Variants in LMX1B observed in about 807,000 individuals in gnomAD.
The protein encoded by LMX1B is LIM homeobox transcription factor 1 beta.
Under a neutral mutation model 51.4 loss-of-function variants are expected in LMX1B, and 12 were observed. That is an observed-to-expected ratio of 0.23 (90% confidence interval 0.15 to 0.38). The LOEUF is 0.38. Among genes scored for constraint, LMX1B ranks in the 10% least tolerant of loss-of-function variants. LMX1B has a pLI of 1.00. For missense variants in LMX1B, 445 were observed against 571.1 expected, an observed-to-expected ratio of 0.78 and a Z score of 2.25; for synonymous variants, 237 against 235.4, an observed-to-expected ratio of 1.01 and a Z score of -0.06.
intron 2 of LMX1B, among the ~76,000 whole-genome samples, chr9:126,674,136 G>A (rs192873693): frequency 5.5e-4 from 83 of 152,204 alleles, no homozygotes; most frequent in Middle Eastern, 3.4e-3. Flanking sequence ...GGGACAGAGT[G>A]AGGAGGGCTC....
chr9:126,689,339 C>T (rs1320794346), intron 2 of LMX1B, among the ~76,000 whole-genome samples: 1 of 152,228 alleles, frequency 6.6e-6, no homozygotes, highest in Non-Finnish European at 1.5e-5. Context: ...GCGAGTGCCT[C>T]CCATTTATGG....
chr9:126,616,345 G>C (rs1835302871), intron 2 of LMX1B, among the ~76,000 whole-genome samples: 1 of 152,222 alleles, frequency 6.6e-6, no homozygotes, highest in Admixed American at 6.5e-5. Flanking sequence ...GCTGAGGCCA[G>C]AGATGTGGGT....
chr9:126,647,500 T>C (rs560498282), intron 2 of LMX1B, among the ~76,000 whole-genome samples: 62 of 152,326 alleles, frequency 4.1e-4, no homozygotes, highest in African/African-American at 1.5e-3. Context: ...ACCGGCATAG[T>C]GTTCATTTAA....
At position 126,685,328 on chromosome 9, in the gene LMX1B, C is replaced by T. The variant is rs143039194; in HGVS notation, c.327-5508C>T. Reference sequence around the variant, plus strand: ...GCCTGGCCGAGAGAGCTGGGTGTCACGGGGTGGGTGGGGCCTTGAGTGCCA... The same window carrying T: ...GCCTGGCCGAGAGAGCTGGGTGTCATGGGGTGGGTGGGGCCTTGAGTGCCA... On this transcript the variant is annotated intron_variant, in intron 2 of 7. Coordinates refer to ENST00000373474, the MANE Select transcript of LMX1B (RefSeq NM_001174147.2). 4.7e-3 allele frequency among the ~76,000 whole-genome samples: 718 copies of T among 151,772 alleles called. 5 individuals carry two copies. Among genetic ancestry groups the T allele is most frequent in the African/African-American group, 0.017 (684 of 41,436 alleles).
intron 2 of LMX1B, among the ~76,000 whole-genome samples, chr9:126,687,891 G>T (rs572405833): frequency 1.3e-4 from 20 of 152,268 alleles, no homozygotes; most frequent in Middle Eastern, 3.4e-3. Context: ...GGGAATGGGG[G>T]CTCACAGAGA....
chr9:126,615,598 C>T lies in LMX1B; in HGVS notation c.326+29C>T, dbSNP rs1212448011. ...AGCGCTTCTCGTCCTCCTTCCCCGC[C>T]ACCGCCCGGCACTCGAGCCCGGTCA... On this transcript the variant is annotated intron_variant, in intron 2 of 7. Transcript: ENST00000373474. The surrounding 1 kb of genome is among the most constrained non-coding windows in gnomAD (Gnocchi z 6.0). The T allele has an allele frequency of 6.3e-7, 1 of 1,576,988 alleles. No homozygotes were observed.
intron 2 of LMX1B, among the ~76,000 whole-genome samples, chr9:126,654,347 A>T (rs1049253193): frequency 3.9e-5 from 6 of 152,132 alleles, no homozygotes; most frequent in African/African-American, 1.2e-4. Context: ...ACGTATTGTC[A>T]TGGTCTGTTT....
chr9:126,660,026 G>T (rs1370547018), intron 2 of LMX1B, among the ~76,000 whole-genome samples: 1 of 142,676 alleles, frequency 7.0e-6, no homozygotes, highest in Non-Finnish European at 1.5e-5. Context: ...GTCCTGTGTG[G>T]GGGTGTCTAC....
At chr9:126,637,735 G>A (rs778104915) in intron 2 of LMX1B, among the ~76,000 whole-genome samples, 8 of 152,098 alleles carry the variant, frequency 5.3e-5, no homozygotes, top group Middle Eastern at 3.4e-3. Context: ...CCCAGGTTTC[G>A]GCGGGAATTT....
At chr9:126,660,177 G>T (rs1344077357) in intron 2 of LMX1B, among the ~76,000 whole-genome samples, 1 of 96,740 alleles carries the variant, frequency 1.0e-5, no homozygotes, top group Admixed American at 9.5e-5. Flanking sequence ...CTGTGTGGGG[G>T]TATCTACACT....
At position 126,693,215 on chromosome 9, in the gene LMX1B, T is replaced by G; in HGVS notation, c.633T>G (p.Asp211Glu). 6.2e-7 allele frequency: 1 copy of G among 1,609,892 alleles called. No individual in the cohort carries two copies. Among genetic ancestry groups the G allele is most frequent in the Non-Finnish European group, 8.5e-7 (1 of 1,178,520 alleles). ...GCAGTCAGAGCAAGGGCAGCGGGGA[T>G]GACGGGAAGGACCCGCGGAGGCCCA... Reference protein sequence around the residue: ...GQGSQSKGSGDDGKDPRRPKR... With the variant: ...GQGSQSKGSGEDGKDPRRPKR... Residue 211 changes from aspartate to glutamate, a missense_variant, in exon 4 of 8, where the codon GAT (aspartate) becomes GAG (glutamate). Physicochemically the swap from Asp to Glu is conservative, Grantham distance 45. This residue lies in a region of LMX1B where 273 missense variants were observed against 343.3 expected (regional missense o/e 0.80). Transcript: ENST00000373474.
At chr9:126,622,449 G>C (rs1482118407) in intron 2 of LMX1B, among the ~76,000 whole-genome samples, 1 of 152,202 alleles carries the variant, frequency 6.6e-6, no homozygotes, top group African/African-American at 2.4e-5. Flanking sequence ...CGAGCTGCTG[G>C]GTAGCTGAAG....
intron 2 of LMX1B, among the ~76,000 whole-genome samples, chr9:126,624,219 C>A: frequency 6.6e-6 from 1 of 152,232 alleles, no homozygotes; most frequent in Non-Finnish European, 1.5e-5. Flanking sequence ...TTTCGGGGAC[C>A]CTTGGTGGCT....
intron 2 of LMX1B, among the ~76,000 whole-genome samples, chr9:126,654,935 T>C (rs943572413): frequency 1.3e-4 from 20 of 152,226 alleles, no homozygotes; most frequent in African/African-American, 4.6e-4. Context: ...GGCCTGGTCT[T>C]GCCAACCTAC....
At chr9:126,665,599 G>A (rs1289333781) in intron 2 of LMX1B, among the ~76,000 whole-genome samples, 1 of 152,234 alleles carries the variant, frequency 6.6e-6, no homozygotes. Context: ...CTGCTGGGCT[G>A]CAGGGGCGGG....
At chr9:126,682,908 A>G (rs910384840) in intron 2 of LMX1B, among the ~76,000 whole-genome samples, 61 of 150,460 alleles carry the variant, frequency 4.1e-4, no homozygotes, top group Non-Finnish European at 8.6e-4. Flanking sequence ...AAAAAAAAAA[A>G]AAAAAAAGAA....
At chr9:126,645,968 C>A (rs1185128003) in intron 2 of LMX1B, among the ~76,000 whole-genome samples, 1 of 152,112 alleles carries the variant, frequency 6.6e-6, no homozygotes, top group African/African-American at 2.4e-5. Flanking sequence ...TGCTCTGGCT[C>A]TCAGAACATG....
intron 2 of LMX1B, among the ~76,000 whole-genome samples, chr9:126,639,161 G>C (rs911206695): frequency 6.6e-6 from 1 of 151,982 alleles, no homozygotes; most frequent in Non-Finnish European, 1.5e-5. Flanking sequence ...GGAGAGGAAA[G>C]AGAGGAGGGG....
chr9:126,625,265 TG>T lies in LMX1B; in HGVS notation c.326+9701del, dbSNP rs1324798891. On this transcript the variant is annotated intron_variant, in intron 2 of 7. Coordinates refer to ENST00000373474, the MANE Select transcript of LMX1B (RefSeq NM_001174147.2). This position sits in a 1 kb window ranked among gnomAD's most constrained non-coding sequence, Gnocchi z 5.3. ...GGCCTCAGGAGCCGGAGCGTTGCCG[TG>T]GGGGCGGGGGAAGGGGTGGTTTTGC... is the stretch of plus-strand genomic sequence containing the variant. 6.6e-6 allele frequency among the ~76,000 whole-genome samples: 1 copy of T among 151,884 alleles called. No individual in the cohort carries two copies. Among genetic ancestry groups the T allele is most frequent in the Non-Finnish European group, 1.5e-5 (1 of 67,952 alleles).
Sources: allele counts gnomAD v4.1 joint callset (sites outside exome capture counted in the v4.1 genomes callset), GRCh38; gene constraint gnomAD v4.1.1; regional missense constraint gnomAD v4.1.1; non-coding constraint Gnocchi (gnomAD v3.1); transcripts MANE v1.5; gene names NCBI Gene and HGNC (gene_info 2026-07-23, HGNC 2026-07-21).